The following CCDC141 variants were observed in gnomAD, a reference collection of about 807,000 sequenced individuals.
CCDC141 encodes the protein coiled-coil domain containing 141.
In CCDC141, 168 loss-of-function variants were observed where a neutral mutation model predicts 181.0. The ratio of observed to expected loss-of-function variants is 0.93; its 90% CI spans 0.82 to 1.05. CCDC141 has a LOEUF of 1.05. Ranked by LOEUF, CCDC141 falls within the 50% of genes least tolerant of loss-of-function variation. CCDC141 has a pLI of 0.00. For synonymous variants in CCDC141, 666 were observed against 642.3 expected, an observed-to-expected ratio of 1.04 and a Z score of -0.56; for missense variants, 1,902 against 1,788.5, an observed-to-expected ratio of 1.06 and a Z score of -1.14.
chr2:179,024,342 T>C (rs544585773), intron 2 of CCDC141, among the ~76,000 whole-genome samples: 59 of 152,354 alleles, frequency 3.9e-4, no homozygotes, highest in African/African-American at 1.4e-3. Flanking sequence ...GTTTCTTTTG[T>C]TATTACACAG....
chr2:178,815,139 C>A, the CCDC141 span, among the ~76,000 whole-genome samples: 2 of 152,088 alleles, frequency 1.3e-5, no homozygotes, highest in East Asian at 3.9e-4. Flanking sequence ...TTAAGTTGCC[C>A]AGTCTGTAGT....
chr2:179,028,205 G>A (rs2154386532), intron 2 of CCDC141, among the ~76,000 whole-genome samples: 1 of 152,272 alleles, frequency 6.6e-6, no homozygotes, highest in East Asian at 1.9e-4. Flanking sequence ...TCATCTGTCT[G>A]CTTTATAATC....
At chr2:178,992,914 C>A (rs992344576) in intron 2 of CCDC141, among the ~76,000 whole-genome samples, 8 of 152,164 alleles carry the variant, frequency 5.3e-5, no homozygotes, top group African/African-American at 1.9e-4. Context: ...CTTCTCTTTG[C>A]TGCCACCATG....
At chr2:178,861,555 GAA>G (rs1219909821) in intron 17 of CCDC141, among the ~76,000 whole-genome samples, 1 of 149,602 alleles carries the variant, frequency 6.7e-6, no homozygotes. Context: ...AAAATTGCTT[GAA>G]CCCAGGAGGC....
At chr2:178,881,330 G>C (rs1021274834) in intron 11 of CCDC141, among the ~76,000 whole-genome samples, 4 of 152,142 alleles carry the variant, frequency 2.6e-5, no homozygotes, top group Non-Finnish European at 5.9e-5. Context: ...TAAAACTGGA[G>C]TGCTATGGTG....
intron 8 of CCDC141, among the ~76,000 whole-genome samples, chr2:178,900,493 T>C (rs1687631953): frequency 1.3e-5 from 2 of 152,148 alleles, no homozygotes; most frequent in South Asian, 2.1e-4. Context: ...GTCCATTTCA[T>C]AGAGTTTTTT....
At chr2:178,989,593 CAA>C (rs1204459331) in intron 2 of CCDC141, among the ~76,000 whole-genome samples, 2 of 76,590 alleles carry the variant, frequency 2.6e-5, no homozygotes, top group African/African-American at 9.7e-5. Context: ...GACCCTGCCT[CAA>C]AAAAAAAAAA....
chr2:178,912,851 C>T (rs1688280677), intron 7 of CCDC141, among the ~76,000 whole-genome samples: 1 of 152,212 alleles, frequency 6.6e-6, no homozygotes, highest in Admixed American at 6.5e-5. Context: ...GTTCCCCAAA[C>T]ATGGCATGAC....
At chr2:179,009,424 G>A (rs549902592) in intron 2 of CCDC141, among the ~76,000 whole-genome samples, 1 of 152,222 alleles carries the variant, frequency 6.6e-6, no homozygotes, top group Admixed American at 6.5e-5. Context: ...GCTGAAGGCT[G>A]TTGTTCAGAT....
At chr2:178,986,922 C>T (rs1363006911) in intron 2 of CCDC141, among the ~76,000 whole-genome samples, 3 of 151,980 alleles carry the variant, frequency 2.0e-5, no homozygotes, top group African/African-American at 7.3e-5. Flanking sequence ...AATGCCATCC[C>T]CATCAAGCTA....
chr2:178,988,102 A>T (rs1691843226), intron 2 of CCDC141, among the ~76,000 whole-genome samples: 1 of 152,186 alleles, frequency 6.6e-6, no homozygotes, highest in African/African-American at 2.4e-5. Flanking sequence ...GGATTAAGAA[A>T]ATGTGGCACA....
chr2:178,985,072 C>G (rs1186354734), intron 2 of CCDC141, among the ~76,000 whole-genome samples: 2 of 151,486 alleles, frequency 1.3e-5, no homozygotes, highest in African/African-American at 2.4e-5. Context: ...GGAAGTAAAG[C>G]TCTCCTCGGC....
Position 178,995,507 on chromosome 2 carries a change from G to A in CCDC141, c.226-16832C>T, listed in dbSNP as rs996401216. Among the ~76,000 whole-genome samples the A allele has an allele frequency of 2.6e-5, 4 of 152,164 alleles. No individual in the cohort carries two copies. The East Asian group carries it at 7.7e-4, about 29-fold the overall frequency. ...GGACACAACCACACCATATCAAGCT[G>A]ACATATACATTTACACATGTAAAGT... On this transcript the variant is annotated intron_variant, in intron 2 of 23. Coordinates refer to ENST00000443758, the MANE Select transcript of CCDC141 (RefSeq NM_173648.4).
At chr2:179,003,908 A>C (rs1281380128) in intron 2 of CCDC141, among the ~76,000 whole-genome samples, 1 of 152,174 alleles carries the variant, frequency 6.6e-6, no homozygotes, top group Non-Finnish European at 1.5e-5. Flanking sequence ...TTTTGTTCTT[A>C]AACTTCATAC....
In CCDC141 at chr2:178,881,911, TCTCTCA is replaced by T. The variant is rs1414616311; in HGVS notation, c.1719+2984_1719+2989del. On this transcript the variant is annotated intron_variant, in intron 11 of 23. Transcript: ENST00000443758. ...CCCTGTCTCTCTCTCTCTCTCTCTC[TCTCTCA>T]CACACACACACACACACACACACAC... Among the ~76,000 whole-genome samples the T allele has an allele frequency of 9.2e-3, 989 of 107,118 alleles. 21 individuals are homozygous for T. The highest frequency in any genetic ancestry group is 0.078 in the Admixed American group (796 of 10,170). 70.3% of individuals were successfully genotyped at this position (107,118 alleles called of 152,430 possible). A position where few individuals can be genotyped will look rare whatever the true frequency, so the allele number is the denominator to read the frequency against.
At chr2:178,992,358 T>TA (rs35961993) in intron 2 of CCDC141, among the ~76,000 whole-genome samples, 4 of 134,864 alleles carry the variant, frequency 3.0e-5, no homozygotes, top group African/African-American at 1.1e-4. Context: ...TTTTTTTTTT[T>TA]AAATAGACCT....
intron 17 of CCDC141, among the ~76,000 whole-genome samples, chr2:178,861,410 T>A (rs13416091): frequency 2.0e-5 from 3 of 151,872 alleles, no homozygotes; most frequent in African/African-American, 7.3e-5. Flanking sequence ...CTGAGGCAGG[T>A]GGGTCACCAG....
chr2:179,001,705 T>C (rs1259993066), intron 2 of CCDC141: 2 of 152,128 alleles, frequency 1.3e-5, no homozygotes, highest in African/African-American at 4.8e-5. Context: ...TGTAAGAAAG[T>C]GGAGACCACT....
intron 2 of CCDC141, among the ~76,000 whole-genome samples, chr2:179,038,431 A>G (rs575476142): frequency 1.4e-4 from 22 of 152,324 alleles, no homozygotes; most frequent in African/African-American, 5.3e-4. Flanking sequence ...TTGGAAATAC[A>G]TAGTGGTGAT....
Sources: gnomAD v4.1 joint callset for allele counts (sites outside exome capture counted in the v4.1 genomes callset) on GRCh38, gnomAD v4.1.1 for gene constraint, MANE v1.5 for transcripts, NCBI Gene and HGNC (gene_info 2026-07-23, HGNC 2026-07-21) for gene names.